The following FNBP1L variants were observed in gnomAD, a reference collection of about 807,000 sequenced individuals.
FNBP1L encodes the protein formin binding protein 1 like.
Under a neutral mutation model 91.2 loss-of-function variants are expected in FNBP1L, and 36 were observed. That is an observed-to-expected ratio of 0.39 (90% CI 0.30 to 0.52). The LOEUF is 0.52. FNBP1L is among the 20% of genes least tolerant of loss of function. The probability of loss-of-function intolerance (pLI) is 0.66; values close to 1 mark genes in which losing one functional copy is unlikely to be tolerated. For synonymous variants in FNBP1L, 242 were observed against 237.0 expected (o/e 1.02, Z -0.19); for missense variants, 571 against 732.1 (o/e 0.78, Z 2.54).
chr1:93,484,075 T>C (rs1416605909), intron 1 of FNBP1L, among the ~76,000 whole-genome samples: 1 of 152,170 alleles, frequency 6.6e-6, no homozygotes, highest in Non-Finnish European at 1.5e-5. Context: ...ACTACAGGCG[T>C]GCGCCACCAT....
At chr1:93,541,095 T>G in intron 11 of FNBP1L, 39 bp downstream of exon 11, 2 of 1,522,926 alleles carry the variant, frequency 1.3e-6, no homozygotes, top group African/African-American at 2.7e-5. Flanking sequence ...GTGCCAACAT[T>G]AAGTAATCTC....
intron 1 of FNBP1L, among the ~76,000 whole-genome samples, chr1:93,471,724 C>CT (rs1557779235): frequency 6.6e-6 from 1 of 152,146 alleles, no homozygotes; most frequent in African/African-American, 2.4e-5. Context: ...AAACCTAATT[C>CT]TTTTTTATTT....
intron 12 of FNBP1L, 48 bp downstream of exon 12, chr1:93,544,264 TTTG>T: frequency 7.5e-7 from 1 of 1,326,904 alleles, no homozygotes; most frequent in Non-Finnish European, 1.1e-6. Flanking sequence ...TAGGATCTAC[TTTG>T]AGTGACGCCC....
intron 8 of FNBP1L, among the ~76,000 whole-genome samples, chr1:93,534,283 C>T (rs1350407557): frequency 1.3e-5 from 2 of 152,108 alleles, no homozygotes; most frequent in African/African-American, 2.4e-5. Context: ...GTTCTTTCCT[C>T]ATTCCAAAGA....
chr1:93,516,871 CTG>C (rs1370451622), intron 2 of FNBP1L, among the ~76,000 whole-genome samples: 1 of 152,154 alleles, frequency 6.6e-6, no homozygotes, highest in East Asian at 1.9e-4. Flanking sequence ...AGGTGGGAGA[CTG>C]TGCCTGTCAT....
rs367979223 is a variant in FNBP1L at position 93,448,216 on chromosome 1, C to T, written c.-66C>T. The T allele has an allele frequency of 4.4e-5, 66 of 1,515,394 alleles. No individual in the cohort carries two copies. Among genetic ancestry groups the T allele is most frequent in the South Asian group, 1.4e-4 (11 of 81,218 alleles). The allele number at this position is 1,515,394 out of a possible 1,614,324, so 93.9% of individuals were successfully genotyped here. On this transcript the variant is annotated 5_prime_UTR_variant, in exon 1 of 17. Coordinates refer to ENST00000271234, the MANE Select transcript of FNBP1L (RefSeq NM_001164473.3). ...GCCCGCCGGCCAGCGAGTGAGAGGTCGGACAGACTGTGGAGCCGACAGACT... is the reference window on the plus strand; with the variant it reads ...GCCCGCCGGCCAGCGAGTGAGAGGTTGGACAGACTGTGGAGCCGACAGACT...
At chr1:93,465,107 G>A (rs182048941) in intron 1 of FNBP1L, among the ~76,000 whole-genome samples, 5 of 151,390 alleles carry the variant, frequency 3.3e-5, no homozygotes. Context: ...GTTTCATTTT[G>A]TGGGGTCAGG....
At chr1:93,449,203 G>A (rs1668393317) in intron 1 of FNBP1L, among the ~76,000 whole-genome samples, 1 of 152,180 alleles carries the variant, frequency 6.6e-6, no homozygotes, top group South Asian at 2.1e-4. Context: ...TACGGGCGGA[G>A]GGTAATAGGT....
chr1:93,543,986 G>A, intron 11 of FNBP1L, 121 bp from the exon 12 acceptor site: 3 of 523,060 alleles, frequency 5.7e-6, no homozygotes, highest in South Asian at 1.1e-4. Flanking sequence ...TTAAGGGGTT[G>A]CTTGAGGCAA....
At chr1:93,522,433 T>G (rs1407302890) in intron 3 of FNBP1L, among the ~76,000 whole-genome samples, 1 of 152,186 alleles carries the variant, frequency 6.6e-6, no homozygotes, top group Non-Finnish European at 1.5e-5. Flanking sequence ...TACTTGGTTG[T>G]GTAGTTGTTG....
chr1:93,452,210 C>G (rs920907584), intron 1 of FNBP1L, among the ~76,000 whole-genome samples: 2 of 152,186 alleles, frequency 1.3e-5, no homozygotes, highest in Non-Finnish European at 2.9e-5. Context: ...TGTAGGTGAT[C>G]ATGCATGTTT....
intron 16 of FNBP1L, chr1:93,551,725 C>A: frequency 1.0e-6 from 1 of 984,844 alleles, no homozygotes; most frequent in Non-Finnish European, 1.2e-6. Context: ...AAGAGAGTTT[C>A]AAAATAAATC....
chr1:93,456,845 A>G (rs1370561446), intron 1 of FNBP1L, among the ~76,000 whole-genome samples: 2 of 151,894 alleles, frequency 1.3e-5, no homozygotes, highest in Admixed American at 1.3e-4. Flanking sequence ...GAATCCCTCT[A>G]TTGATTCAAC....
chr1:93,498,724 C>T (rs956974422), intron 1 of FNBP1L, among the ~76,000 whole-genome samples: 1 of 152,148 alleles, frequency 6.6e-6, no homozygotes, highest in Admixed American at 6.5e-5. Flanking sequence ...CAGGAGGTGG[C>T]ATCTTTGAGA....
rs545294939 is a variant in FNBP1L at position 93,532,874 on chromosome 1, G to A, written c.640-48G>A. 5.3e-5 allele frequency: 77 copies of A among 1,459,324 alleles called. No individual in the cohort carries two copies. The East Asian group carries it at 1.7e-3, about 33-fold the overall frequency. 90.4% of individuals were successfully genotyped at this position (1,459,324 alleles called of 1,614,324 possible). Reference sequence around the variant, plus strand: ...ATCACTAATTGAACTCCTTTAGAATGATTGAAAAATTCAGTTTTCTCTTTT... The same window carrying A: ...ATCACTAATTGAACTCCTTTAGAATAATTGAAAAATTCAGTTTTCTCTTTT... On this transcript the variant is annotated intron_variant, in intron 7 of 16. Coordinates refer to ENST00000271234, the MANE Select transcript of FNBP1L (RefSeq NM_001164473.3).
At chr1:93,449,495 A>G (rs556529194) in intron 1 of FNBP1L, among the ~76,000 whole-genome samples, 21 of 152,302 alleles carry the variant, frequency 1.4e-4, no homozygotes, top group Admixed American at 2.6e-4. Flanking sequence ...GTGAAAGCCA[A>G]TGGGTTAATT....
chr1:93,547,121 T>A, intron 13 of FNBP1L, 147 bp downstream of exon 13: 2 of 1,057,470 alleles, frequency 1.9e-6, no homozygotes, highest in South Asian at 1.6e-5. Flanking sequence ...GTGTGTTATT[T>A]AATCTCATTA....
rs576466272 is a variant in FNBP1L at position 93,534,761 on chromosome 1, T to C, written c.843T>C (p.Phe281=). The C allele has an allele frequency of 6.4e-7, 1 of 1,572,608 alleles. No individual in the cohort carries two copies. The highest frequency in any genetic ancestry group is 2.3e-5 in the East Asian group (1 of 43,318). ...CTGGTTTTGAACCTCCAGGAGACTTTCCATTTGAAGATTACAGTCAACATA... is the reference window on the plus strand; with the variant it reads ...CTGGTTTTGAACCTCCAGGAGACTTCCCATTTGAAGATTACAGTCAACATA... The part of the protein sequence containing the change: ...FKSGFEPPGD[F]PFEDYSQHIY... Residue 281 remains phenylalanine, a synonymous_variant, in exon 9 of 17, where the codon TTT becomes TTC. Transcript: ENST00000271234.
Position 93,553,145 on chromosome 1 carries a change from C to A in FNBP1L, c.*729C>A, listed in dbSNP as rs1672471447. 6.6e-6 allele frequency: 1 copy of A among 152,630 alleles called. No individual in the cohort carries two copies. Among genetic ancestry groups the A allele is most frequent in the South Asian group, 2.1e-4 (1 of 4,836 alleles). The allele number at this position is 152,630 out of a possible 1,614,324, so 9.5% of individuals were successfully genotyped here. On this transcript the variant is annotated 3_prime_UTR_variant, in exon 17 of 17. Transcript: ENST00000271234. ...AGCCTACAGCCCAGTTGAAAGAACT[C>A]TTTGAAACGTGATACATCTTCAGCA...
Sources: gnomAD v4.1 joint callset for allele counts (sites outside exome capture counted in the v4.1 genomes callset) on GRCh38, gnomAD v4.1.1 for gene constraint, MANE v1.5 for transcripts, NCBI Gene and HGNC (gene_info 2026-07-23, HGNC 2026-07-21) for gene names.